RASAL1: variants seen among roughly 807,000 people sequenced by gnomAD.
RASAL1 encodes the protein rasGAP-activating-like protein 1.
RASAL1 carries 72 observed loss-of-function variants against 96.6 expected under a neutral mutation model. The ratio of observed to expected loss-of-function variants is 0.75; its 90% CI spans 0.62 to 0.91. The LOEUF (loss-of-function observed/expected upper bound fraction) is 0.91, where lower values mean the gene tolerates loss of function less well. RASAL1 is among the 40% of genes least tolerant of loss of function. The pLI is 0.00. For missense variants in RASAL1, 1,016 were observed against 1,072.5 expected (o/e 0.95, Z 0.74); for synonymous variants, 405 against 430.4 (o/e 0.94, Z 0.73).
chr12:113,117,873 G>GT (rs139807465), intron 7 of RASAL1, among the ~76,000 whole-genome samples: 15,933 of 152,244 alleles, frequency 0.1, 1,085 homozygotes, highest in Middle Eastern at 0.19. Flanking sequence ...TGCCAGTACG[G>GT]TAAGTCCTGA....
In RASAL1 at chr12:113,121,578, A is replaced by C; in HGVS notation, c.359T>G (p.Ile120Ser). The part of the protein sequence containing the change: ...VDPDAEVQGE[I>S]CLSVQMLEDG... ...CTCCAGCATCTGCACTGACAGGCAGATCTCACCCTGCACTTCTGCATCTGG... is the reference window on the plus strand; with the variant it reads ...CTCCAGCATCTGCACTGACAGGCAGCTCTCACCCTGCACTTCTGCATCTGG... The change falls in exon 5 of 21, where the codon ATC becomes AGC. Residue 120 changes from isoleucine (I) to serine (S), a missense_variant. Coordinates refer to ENST00000548055, the MANE Select transcript of RASAL1 (RefSeq NM_001301202.2). The C allele has an allele frequency of 6.2e-7, 1 of 1,614,146 alleles. No homozygotes were observed. The highest frequency in any genetic ancestry group is 8.5e-7 in the Non-Finnish European group (1 of 1,180,028).
Position 113,130,868 on chromosome 12 carries a change from G to T in RASAL1, c.122+17C>A. 6.2e-7 allele frequency: 1 copy of T among 1,609,308 alleles called. No individual in the cohort carries two copies. The highest frequency in any genetic ancestry group is 8.5e-7 in the Non-Finnish European group (1 of 1,176,624). ...GACCCCTCCCTTCCTCCTCTCCCCC[G>T]TGTCGCCACCCCTCACCTGGCCACC... On this transcript the variant is annotated intron_variant, in intron 2 of 20. Transcript: ENST00000548055. This position sits in a 1 kb window ranked among gnomAD's most constrained non-coding sequence, Gnocchi z 5.1.
intron 5 of RASAL1, 106 bp downstream of exon 5, chr12:113,121,385 CTGACTGCCAGCCCAGAAG>C: frequency 1.4e-6 from 2 of 1,476,502 alleles, no homozygotes; most frequent in Non-Finnish European, 1.8e-6. Flanking sequence ...CACAGGGAAC[CTGACTGCCAGCCCAGAAG>C]TGCCCCAGGA....
Position 113,130,862 on chromosome 12 carries a change from TC to T in RASAL1, c.122+22del, listed in dbSNP as rs1265875086. ...GAAAGAGACCCCTCCCTTCCTCCTCTCCCCCGTGTCGCCACCCCTCACCTGG... is the reference window on the plus strand; with the variant it reads ...GAAAGAGACCCCTCCCTTCCTCCTCTCCCCGTGTCGCCACCCCTCACCTGG... On this transcript the variant is annotated intron_variant, in intron 2 of 20. Transcript: ENST00000548055. The surrounding 1 kb of genome is among the most constrained non-coding windows in gnomAD (Gnocchi z 5.1). 1 of 1,603,774 alleles carries T rather than the reference TC, an allele frequency of 6.2e-7. No individual in the cohort carries two copies. Among genetic ancestry groups the T allele is most frequent in the Non-Finnish European group, 8.5e-7 (1 of 1,172,438 alleles).
At position 113,107,155 on chromosome 12, in the gene RASAL1, C is replaced by G; in HGVS notation, c.1599G>C (p.Gln533His). 1.2e-6 allele frequency: 2 copies of G among 1,613,960 alleles called. No individual in the cohort carries two copies. Among genetic ancestry groups the G allele is most frequent in the Non-Finnish European group, 1.7e-6 (2 of 1,179,880 alleles). Reference protein sequence around the residue: ...WMAPLHPFLLQCVSRVRDFLD... With the variant: ...WMAPLHPFLLHCVSRVRDFLD... The stretch of plus-strand genomic sequence containing the variant: ...GGAAGTCTCTCACACGTGAGACACA[C>G]TGCAGCAGGAAGGGGTGCAGGGGGG... Residue 533 changes from glutamine (Q) to histidine (H), a missense_variant, in exon 15 of 21, where the codon CAG (glutamine) becomes CAC (histidine). Physicochemically the swap from Gln to His is conservative, Grantham distance 24. Transcript: ENST00000548055.
intron 13 of RASAL1, among the ~76,000 whole-genome samples, chr12:113,109,985 G>A (rs551015633): frequency 2.4e-4 from 37 of 152,360 alleles, no homozygotes; most frequent in Admixed American, 8.5e-4. Context: ...GGGCCACCTT[G>A]GGGGCTGAGA....
At chr12:113,105,342 C>T (rs944911895) in intron 16 of RASAL1, among the ~76,000 whole-genome samples, 3 of 152,276 alleles carry the variant, frequency 2.0e-5, no homozygotes, top group Non-Finnish European at 4.4e-5. Context: ...TGTGCCTGAA[C>T]ATCTGCACAC....
rs765270911 is a variant in RASAL1 at position 113,115,964 on chromosome 12, C to T, written c.819G>A (p.Leu273=). The T allele has an allele frequency of 6.2e-7, 1 of 1,608,658 alleles. No homozygotes were observed. Among genetic ancestry groups the T allele is most frequent in the South Asian group, 1.1e-5 (1 of 90,328 alleles). The part of the protein sequence containing the change: ...PSQCYQPLME[L]LMESVQGPAE... ...CTGGCCCCTGCACAGACTCCATGAG[C>T]AGCTCCATGAGAGGCTGGTAGCACT... The change falls in exon 9 of 21, where the codon CTG becomes CTA. Residue 273 remains leucine (L), a synonymous_variant. Coordinates refer to ENST00000548055, the MANE Select transcript of RASAL1 (RefSeq NM_001301202.2). The surrounding 1 kb of genome is among the most constrained non-coding windows in gnomAD (Gnocchi z 4.1).
At chr12:113,133,445 G>A (rs1471434709) in intron 1 of RASAL1, among the ~76,000 whole-genome samples, 1 of 152,198 alleles carries the variant, frequency 6.6e-6, no homozygotes, top group Non-Finnish European at 1.5e-5. Flanking sequence ...TGTAAAATAA[G>A]AGACGCCAAT....
At chr12:113,105,957 T>C in intron 15 of RASAL1, 71 bp from the exon 16 acceptor site, 14 of 1,484,128 alleles carry the variant, frequency 9.4e-6, no homozygotes, top group Non-Finnish European at 1.0e-5. Context: ...TCCACTAGCA[T>C]GCCCAGGGAG....
chr12:113,121,197 C>T (rs1456283746), intron 5 of RASAL1, among the ~76,000 whole-genome samples: 1 of 152,204 alleles, frequency 6.6e-6, no homozygotes, highest in Non-Finnish European at 1.5e-5. Flanking sequence ...TAAAGTAGCT[C>T]TTTTGCTTAA....
chr12:113,112,215 C>T lies in RASAL1; in HGVS notation c.1245G>A (p.Leu415=). The change falls in exon 13 of 21, where the codon CTG becomes CTA. Residue 415 remains leucine, a synonymous_variant. Coordinates refer to ENST00000548055, the MANE Select transcript of RASAL1 (RefSeq NM_001301202.2). ...EQMRETSLGL[L]TGYLGPIVDA... ...CCACGATGGGCCCCAGGTAGCCCGT[C>T]AGCAGCCCCAGGCTGGTCTCCCGCA... The T allele has an allele frequency of 7.9e-7, 1 of 1,265,838 alleles. No individual in the cohort carries two copies. Among genetic ancestry groups the T allele is most frequent in the Non-Finnish European group, 1.0e-6 (1 of 997,170 alleles). 78.4% of individuals were successfully genotyped at this position (1,265,838 alleles called of 1,614,324 possible).
At chr12:113,116,101 G>T in intron 8 of RASAL1, 50 bp from the exon 9 acceptor site, 1 of 1,462,360 alleles carries the variant, frequency 6.8e-7, no homozygotes, top group South Asian at 1.4e-5. Flanking sequence ...CGAACACGAT[G>T]GCTCACGCCT....
At chr12:113,113,125 T>A (rs1950935152) in intron 12 of RASAL1, among the ~76,000 whole-genome samples, 1 of 152,140 alleles carries the variant, frequency 6.6e-6, no homozygotes, top group African/African-American at 2.4e-5. Context: ...CACTTTTCCA[T>A]CTGCAATTAT....
chr12:113,114,611 C>T (rs1951001928), intron 12 of RASAL1, among the ~76,000 whole-genome samples, 189 bp downstream of exon 12: 1 of 152,200 alleles, frequency 6.6e-6, no homozygotes, highest in Admixed American at 6.5e-5. Flanking sequence ...AGAGTCCTGA[C>T]CATAACCCCT....
intron 16 of RASAL1, among the ~76,000 whole-genome samples, chr12:113,104,953 C>T (rs1222676603): frequency 1.3e-5 from 2 of 152,234 alleles, no homozygotes; most frequent in South Asian, 4.1e-4. Flanking sequence ...CTGTTATTCT[C>T]TCCAACCTGC....
chr12:113,119,466 G>C lies in RASAL1; in HGVS notation c.429-23C>G, dbSNP rs1951209998. On this transcript the variant is annotated intron_variant, in intron 5 of 20. Transcript: ENST00000548055. ...TCCCTGGGAACAGATGGGGAAAGGA[G>C]TGAGGAAACACGGCACCCAAGTTGG... 4 of 1,588,374 alleles carry C rather than the reference G, an allele frequency of 2.5e-6. No homozygotes were observed. In the African/African-American group the frequency reaches 4.0e-5, roughly 16 times the overall value.
chr12:113,129,219 G>A lies in RASAL1; in HGVS notation c.123-1041C>T, dbSNP rs1431801130. 1.3e-5 allele frequency among the ~76,000 whole-genome samples: 2 copies of A among 152,334 alleles called. 1 individual carries two copies. The highest frequency in any genetic ancestry group is 4.1e-4 in the South Asian group (2 of 4,826). On this transcript the variant is annotated intron_variant, in intron 2 of 20. Coordinates refer to ENST00000548055, the MANE Select transcript of RASAL1 (RefSeq NM_001301202.2). The surrounding 1 kb of genome is among the most constrained non-coding windows in gnomAD (Gnocchi z 5.0). ...TAGCTCAATCGCCCCTGGTTGGGTCGTGGGGGTAGGGTCGGAGGGGATTAG... is the reference window on the plus strand; with the variant it reads ...TAGCTCAATCGCCCCTGGTTGGGTCATGGGGGTAGGGTCGGAGGGGATTAG...
intron 4 of RASAL1, among the ~76,000 whole-genome samples, chr12:113,125,357 A>G (rs1441104653): frequency 6.6e-6 from 1 of 152,214 alleles, no homozygotes; most frequent in Non-Finnish European, 1.5e-5. Flanking sequence ...CTAATTTGAC[A>G]AAGAAGTAAC....
Sources: allele counts gnomAD v4.1 joint callset (sites outside exome capture counted in the v4.1 genomes callset), GRCh38; gene constraint gnomAD v4.1.1; non-coding constraint Gnocchi (gnomAD v3.1); transcripts MANE v1.5; gene names NCBI Gene and HGNC (gene_info 2026-07-23, HGNC 2026-07-21).